SLCO3A1: variants seen among roughly 807,000 people sequenced by gnomAD.
SLCO3A1 encodes solute carrier organic anion transporter family member 3A1.
A neutral mutation model predicts 63.1 loss-of-function variants in SLCO3A1; 27 were observed. The observed-to-expected ratio is 0.43, with a 90% CI of 0.32 to 0.59. SLCO3A1 has a LOEUF of 0.59. Ranked by LOEUF, SLCO3A1 falls within the 20% of genes least tolerant of loss-of-function variation. The pLI is 0.09. For missense variants in SLCO3A1, 773 were observed against 945.8 expected, an observed-to-expected ratio of 0.82 and a Z score of 2.40; for synonymous variants, 473 against 409.9, an observed-to-expected ratio of 1.15 and a Z score of -1.86.
chr15:92,043,393 C>T (rs1323604464), intron 2 of SLCO3A1, among the ~76,000 whole-genome samples: 1 of 152,222 alleles, frequency 6.6e-6, no homozygotes, highest in Non-Finnish European at 1.5e-5. Context: ...AGTGCAGGTG[C>T]TCTTGCTCTG....
intron 2 of SLCO3A1, among the ~76,000 whole-genome samples, chr15:91,969,924 C>T (rs1286633805): frequency 6.6e-6 from 1 of 152,144 alleles, no homozygotes; most frequent in Non-Finnish European, 1.5e-5. Flanking sequence ...GCGCAGTCAT[C>T]AGTTTGGACT....
chr15:92,147,975 G>T (rs2048251719), intron 8 of SLCO3A1, among the ~76,000 whole-genome samples: 1 of 152,196 alleles, frequency 6.6e-6, no homozygotes, highest in Admixed American at 6.5e-5. Context: ...CCAGCACTTT[G>T]GGAGGCCAAG....
chr15:91,977,131 A>G (rs1401572690), intron 2 of SLCO3A1, among the ~76,000 whole-genome samples: 1 of 152,174 alleles, frequency 6.6e-6, no homozygotes, highest in Non-Finnish European at 1.5e-5. Flanking sequence ...TTTTTGCTAC[A>G]TGTCATGAAT....
At chr15:91,958,301 G>T (rs2151419334) in intron 2 of SLCO3A1, among the ~76,000 whole-genome samples, 1 of 152,316 alleles carries the variant, frequency 6.6e-6, no homozygotes, top group East Asian at 1.9e-4. Flanking sequence ...GGGTGACCCT[G>T]TCGCCTGTGT....
At chr15:92,105,111 C>A (rs974344726) in intron 4 of SLCO3A1, among the ~76,000 whole-genome samples, 1 of 151,962 alleles carries the variant, frequency 6.6e-6, no homozygotes, top group African/African-American at 2.4e-5. Flanking sequence ...TGCTAAAATA[C>A]AAAAATTAGC....
chr15:92,162,820 G>T lies in SLCO3A1; in HGVS notation c.1818G>T (p.Thr606=), dbSNP rs144388319. ...GIDSTCLFWS[T]FCGEQGACVL... ...ACTCCACCTGCCTGTTCTGGAGCAC[G>T]TTCTGTGGGGAGCAAGGCGCCTGCG... Residue 606 remains threonine (T), a synonymous_variant, in exon 10 of 10, where the codon ACG becomes ACT. Transcript: ENST00000318445. 6 of 1,614,058 alleles carry T rather than the reference G, an allele frequency of 3.7e-6. No homozygotes were observed. In the African/African-American group the frequency reaches 4.0e-5, roughly 11 times the overall value.
chr15:92,145,093 A>AG (rs2048203036), intron 7 of SLCO3A1, among the ~76,000 whole-genome samples: 1 of 152,184 alleles, frequency 6.6e-6, no homozygotes, highest in Non-Finnish European at 1.5e-5. Flanking sequence ...GTAGTGAGCA[A>AG]GGGGCCTGTG....
intron 2 of SLCO3A1, among the ~76,000 whole-genome samples, chr15:91,963,410 G>GGGA (rs1555418582): frequency 4.8e-5 from 6 of 124,192 alleles, no homozygotes; most frequent in Non-Finnish European, 8.6e-5. Context: ...GGGGAGGGTG[G>GGGA]GGGGGGGGGG....
At position 91,916,111 on chromosome 15, in the gene SLCO3A1, G is replaced by A; in HGVS notation, c.299G>A (p.Gly100Glu). The A allele has an allele frequency of 1.2e-6, 2 of 1,611,604 alleles. No homozygotes were observed. Among genetic ancestry groups the A allele is most frequent in the Non-Finnish European group, 1.7e-6 (2 of 1,179,626 alleles). Residue 100 changes from glycine (G) to glutamate (E), a missense_variant, in exon 2 of 10, where the codon GGG becomes GAG. Coordinates refer to ENST00000318445, the MANE Select transcript of SLCO3A1 (RefSeq NM_013272.4). This position sits in a 1 kb window ranked among gnomAD's most constrained non-coding sequence, Gnocchi z 6.2. ...CTCATCCTCTTCGTGAGCTACTTCG[G>A]GGCACGCGGGCACCGGCCGCGCCTG... ...LALILFVSYFGARGHRPRLIG... is the reference protein window; with the variant it reads ...LALILFVSYFEARGHRPRLIG...
At chr15:92,041,142 C>T (rs541983494) in intron 2 of SLCO3A1, among the ~76,000 whole-genome samples, 2 of 152,144 alleles carry the variant, frequency 1.3e-5, no homozygotes, top group African/African-American at 4.8e-5. Context: ...TGCCTAGCCC[C>T]CTTCCCTTGT....
Position 92,165,499 on chromosome 15 carries a change from TGA to T in SLCO3A1, c.*2369_*2370del, listed in dbSNP as rs2048486373. ...TAGTGTTTTATGGAACTATTTGCTT[TGA>T]GAGAAAAAAAAAAGAAAGTTTTTTA... On this transcript the variant is annotated 3_prime_UTR_variant, in exon 10 of 10. Transcript: ENST00000318445. The T allele has an allele frequency of 1.0e-6, 1 of 981,326 alleles. No homozygotes were observed. Among genetic ancestry groups the T allele is most frequent in the South Asian group, 4.7e-5 (1 of 21,114 alleles). The allele number at this position is 981,326 out of a possible 1,614,324, so 60.8% of individuals were successfully genotyped here. A position where few individuals can be genotyped will look rare whatever the true frequency, so the allele number is the denominator to read the frequency against.
At chr15:92,000,338 G>A (rs1339113569) in intron 2 of SLCO3A1, among the ~76,000 whole-genome samples, 1 of 151,904 alleles carries the variant, frequency 6.6e-6, no homozygotes, top group East Asian at 1.9e-4. Context: ...GGAAGTGGGG[G>A]CAAGTTAAAT....
At position 92,044,126 on chromosome 15, in the gene SLCO3A1, C is replaced by A. The variant is rs2046831940; in HGVS notation, c.647-50755C>A. ...TCTTAGGATCTAGAGTCAGCCCCACCAGTGACCTCTGCCTCATCTCCACCA... is the reference window on the plus strand; with the variant it reads ...TCTTAGGATCTAGAGTCAGCCCCACAAGTGACCTCTGCCTCATCTCCACCA... On this transcript the variant is annotated intron_variant, in intron 2 of 9. Transcript: ENST00000318445. Among the ~76,000 whole-genome samples, 4 of 152,132 alleles carry A rather than the reference C, an allele frequency of 2.6e-5. No homozygotes were observed. The South Asian group carries it at 8.3e-4, about 32-fold the overall frequency.
chr15:91,950,224 C>G lies in SLCO3A1; in HGVS notation c.646+33766C>G, dbSNP rs1270566522. Among the ~76,000 whole-genome samples, 1 of 152,146 alleles carries G rather than the reference C, an allele frequency of 6.6e-6. No homozygotes were observed. The highest frequency in any genetic ancestry group is 1.9e-4 in the East Asian group (1 of 5,188). On this transcript the variant is annotated intron_variant, in intron 2 of 9. Transcript: ENST00000318445. This position sits in a 1 kb window ranked among gnomAD's most constrained non-coding sequence, Gnocchi z 4.4. Reference sequence around the variant, plus strand: ...GGCCTGATGGTATGGAGTCTGCATGCTCAGGGCTGCCTGCTGTGGCCAGAG... The same window carrying G: ...GGCCTGATGGTATGGAGTCTGCATGGTCAGGGCTGCCTGCTGTGGCCAGAG...
chr15:91,892,433 T>A (rs1897894296), intron 1 of SLCO3A1, among the ~76,000 whole-genome samples: 1 of 152,200 alleles, frequency 6.6e-6, no homozygotes, highest in African/African-American at 2.4e-5. Flanking sequence ...TTTCCCAGAA[T>A]GGGCAGATTT....
At position 91,947,985 on chromosome 15, in the gene SLCO3A1, G is replaced by A. The variant is rs562710143; in HGVS notation, c.646+31527G>A. On this transcript the variant is annotated intron_variant, in intron 2 of 9. Coordinates refer to ENST00000318445, the MANE Select transcript of SLCO3A1 (RefSeq NM_013272.4). ...TTAGCAGGGGCTTTTCCAGTTCCAT[G>A]TGAGAATTGTTTATCCTCCCAACTA... Among the ~76,000 whole-genome samples the A allele has an allele frequency of 1.4e-4, 21 of 152,278 alleles. 1 individual carries two copies. The South Asian group carries it at 4.3e-3, about 32-fold the overall frequency.
intron 7 of SLCO3A1, among the ~76,000 whole-genome samples, chr15:92,134,846 G>A (rs1319328656): frequency 2.0e-5 from 3 of 152,138 alleles, no homozygotes; most frequent in Non-Finnish European, 4.4e-5. Context: ...TGAACTTGCA[G>A]TATCAGGCCT....
At chr15:91,923,749 G>A (rs1898922768) in intron 2 of SLCO3A1, among the ~76,000 whole-genome samples, 1 of 152,154 alleles carries the variant, frequency 6.6e-6, no homozygotes, top group Non-Finnish European at 1.5e-5. Context: ...TTTTATTCCA[G>A]CCTTTTTTCT....
At chr15:92,159,543 G>A (rs1234358688) in intron 9 of SLCO3A1, among the ~76,000 whole-genome samples, 1 of 148,250 alleles carries the variant, frequency 6.7e-6, no homozygotes, top group Admixed American at 6.8e-5. Context: ...ATTGAACAGA[G>A]CATAGCATGA....
Sources: allele counts gnomAD v4.1 joint callset (sites outside exome capture counted in the v4.1 genomes callset), GRCh38; gene constraint gnomAD v4.1.1; non-coding constraint Gnocchi (gnomAD v3.1); transcripts MANE v1.5; gene names NCBI Gene and HGNC (gene_info 2026-07-23, HGNC 2026-07-21).